EEF2K: variants seen among roughly 807,000 people sequenced by gnomAD.
EEF2K encodes alternative protein EEF2K.
Under a neutral mutation model 93.8 loss-of-function variants are expected in EEF2K, and 70 were observed. The ratio of observed to expected loss-of-function variants is 0.75; its 90% CI spans 0.62 to 0.91. EEF2K has a LOEUF of 0.91. EEF2K is among the 40% of genes least tolerant of loss of function. EEF2K has a pLI of 0.00. For missense variants in EEF2K, 935 were observed against 972.9 expected (o/e 0.96, Z 0.52); for synonymous variants, 376 against 380.8 (o/e 0.99, Z 0.15).
At position 22,280,333 on chromosome 16, in the gene EEF2K, G is replaced by A. The variant is rs1222558124; in HGVS notation, c.2025G>A (p.Leu675=). Residue 675 remains leucine (L), a synonymous_variant, in exon 17 of 18, where the codon CTG becomes CTA. Transcript: ENST00000263026. The part of the protein sequence containing the change: ...YMMLAREAEM[L]FTGGYGLEKD... ...TGCTGGCCAGGGAGGCCGAGATGCT[G>A]TTCACAGGAGGCTACGGGCTGGAGA... 6.2e-7 allele frequency: 1 copy of A among 1,602,544 alleles called. No individual in the cohort carries two copies. Among genetic ancestry groups the A allele is most frequent in the East Asian group, 2.3e-5 (1 of 44,060 alleles).
chr16:22,241,466 G>A (rs1410234235), intron 2 of EEF2K, among the ~76,000 whole-genome samples: 1 of 151,298 alleles, frequency 6.6e-6, no homozygotes, highest in African/African-American at 2.4e-5. Context: ...CCAACATGGT[G>A]AAACCCCGTC....
chr16:22,243,858 G>A (rs2047251503), intron 2 of EEF2K, among the ~76,000 whole-genome samples: 1 of 149,772 alleles, frequency 6.7e-6, no homozygotes, highest in Non-Finnish European at 1.5e-5. Context: ...AGGAGGCAGA[G>A]GTTGCAGTGA....
At chr16:22,223,661 AC>A (rs1324746394) in intron 1 of EEF2K, among the ~76,000 whole-genome samples, 4 of 152,064 alleles carry the variant, frequency 2.6e-5, no homozygotes, top group Non-Finnish European at 5.9e-5. Flanking sequence ...TGACTGTAAA[AC>A]TGAGAGTGAA....
intron 1 of EEF2K, among the ~76,000 whole-genome samples, chr16:22,214,882 G>A (rs1329348497): frequency 6.6e-6 from 1 of 152,160 alleles, no homozygotes; most frequent in Non-Finnish European, 1.5e-5. Flanking sequence ...AGAAAGCAAC[G>A]AAAGCAAATA....
intron 1 of EEF2K, among the ~76,000 whole-genome samples, chr16:22,214,894 T>G (rs574173105): frequency 3.3e-5 from 5 of 152,176 alleles, no homozygotes; most frequent in African/African-American, 1.2e-4. Context: ...AAGCAAATAT[T>G]TACAGAAAAC....
chr16:22,236,427 A>G (rs2047168389), intron 2 of EEF2K, among the ~76,000 whole-genome samples: 1 of 149,600 alleles, frequency 6.7e-6, no homozygotes, highest in Admixed American at 6.7e-5. Context: ...GGCGCATGGC[A>G]CCATGCCTGG....
rs944410553 is a variant in EEF2K at position 22,267,981 on chromosome 16, C to T, written c.1764+1105C>T. Among the ~76,000 whole-genome samples the T allele has an allele frequency of 5.3e-5, 8 of 152,202 alleles. No homozygotes were observed. The South Asian group carries it at 8.3e-4, about 16-fold the overall frequency. ...CCATCCTCCCCATCACGTGGGCCAA[C>T]GTTGCGCATGGACAGGTGGCCTAGG... On this transcript the variant is annotated intron_variant, in intron 15 of 17. Coordinates refer to ENST00000263026, the MANE Select transcript of EEF2K (RefSeq NM_013302.5).
intron 6 of EEF2K, 81 bp downstream of exon 6, chr16:22,251,403 C>T (rs2047350765): frequency 6.8e-7 from 1 of 1,463,340 alleles, no homozygotes; most frequent in Non-Finnish European, 9.1e-7. Context: ...ATGGTGAATC[C>T]CTATTTCACC....
chr16:22,251,151 G>A lies in EEF2K; in HGVS notation c.447G>A (p.Thr149=). 6.2e-7 allele frequency: 1 copy of A among 1,613,384 alleles called. No homozygotes were observed. The highest frequency in any genetic ancestry group is 8.5e-7 in the Non-Finnish European group (1 of 1,179,610). Residue 149 remains threonine, a splice_region_variant and synonymous_variant, in exon 6 of 18, where the codon ACG becomes ACA. Transcript: ENST00000263026. The stretch of plus-strand genomic sequence containing the variant: ...GGCCCCCTGTTGCCTCTTCCCACAG[G>A]AAGAAGCTCTCCAACTTCTTGCATG... ...GRGAMRECFR[T]KKLSNFLHAQ...
In EEF2K at chr16:22,217,895, C is replaced by T. The variant is rs60372767; in HGVS notation, c.-76-7759C>T. Among the ~76,000 whole-genome samples the T allele has an allele frequency of 4.7e-4, 71 of 152,248 alleles. No homozygotes were observed. The East Asian group carries it at 6.2e-3, about 13-fold the overall frequency. ...TACGCTGGGCTTGGTAGTTTGGTTT[C>T]GGGAACATCTGGATTCCAGGTCTCA... On this transcript the variant is annotated intron_variant, in intron 1 of 17. Coordinates refer to ENST00000263026, the MANE Select transcript of EEF2K (RefSeq NM_013302.5).
Position 22,287,626 on chromosome 16 carries a change from C to T in EEF2K, c.*3630C>T, listed in dbSNP as rs2047764466. 6.6e-6 allele frequency: 1 copy of T among 152,108 alleles called. No homozygotes were observed. Among genetic ancestry groups the T allele is most frequent in the Non-Finnish European group, 1.5e-5 (1 of 68,022 alleles). 9.4% of individuals were successfully genotyped at this position (152,108 alleles called of 1,614,324 possible). A position where few individuals can be genotyped will look rare whatever the true frequency, so the allele number is the denominator to read the frequency against. On this transcript the variant is annotated 3_prime_UTR_variant, in exon 18 of 18. Coordinates refer to ENST00000263026, the MANE Select transcript of EEF2K (RefSeq NM_013302.5). ...TAAAATTTAAACTGGAGTTTAATGGCCCTTTCAGTTTTGCTATAGGCAAGA... is the reference window on the plus strand; with the variant it reads ...TAAAATTTAAACTGGAGTTTAATGGTCCTTTCAGTTTTGCTATAGGCAAGA...
At chr16:22,221,872 C>G (rs75592532) in intron 1 of EEF2K, among the ~76,000 whole-genome samples, 1 of 152,048 alleles carries the variant, frequency 6.6e-6, no homozygotes, top group Non-Finnish European at 1.5e-5. Flanking sequence ...GAGTTCAAGG[C>G]CACTGTGGCC....
chr16:22,243,922 CAA>C (rs1011054825), intron 2 of EEF2K, among the ~76,000 whole-genome samples: 19 of 61,990 alleles, frequency 3.1e-4, no homozygotes, highest in Admixed American at 1.0e-3. Context: ...GACCCTGTCT[CAA>C]AAAAAAAAAA....
chr16:22,235,768 GACT>G (rs2047161934), intron 2 of EEF2K, among the ~76,000 whole-genome samples: 1 of 151,576 alleles, frequency 6.6e-6, no homozygotes, highest in African/African-American at 2.4e-5. Context: ...AAAGTGTTGA[GACT>G]ACAGGCGTGA....
intron 1 of EEF2K, among the ~76,000 whole-genome samples, chr16:22,208,414 T>C (rs948430903): frequency 2.6e-5 from 4 of 152,054 alleles, no homozygotes; most frequent in African/African-American, 9.7e-5. Context: ...TCCCAGCTAC[T>C]CGGGAGGCTG....
At chr16:22,273,417 C>T (rs1598205486) in intron 15 of EEF2K, among the ~76,000 whole-genome samples, 1 of 152,090 alleles carries the variant, frequency 6.6e-6, no homozygotes, top group South Asian at 2.1e-4. Flanking sequence ...GCTGTTTTCC[C>T]ACCCCATCCC....
chr16:22,229,013 C>G (rs1468452888), intron 2 of EEF2K, among the ~76,000 whole-genome samples: 1 of 152,034 alleles, frequency 6.6e-6, no homozygotes, highest in East Asian at 1.9e-4. Flanking sequence ...GTGGTGCATG[C>G]CTGTAGTCCC....
rs1363508075 is a variant in EEF2K, at chr16:22,288,533, G to A, written c.*4537G>A. 4 of 152,132 alleles carry A rather than the reference G, an allele frequency of 2.6e-5. No individual in the cohort carries two copies. Among genetic ancestry groups the A allele is most frequent in the African/African-American group, 9.7e-5 (4 of 41,426 alleles). The allele number at this position is 152,132 out of a possible 1,614,324, so 9.4% of individuals were successfully genotyped here. On this transcript the variant is annotated 3_prime_UTR_variant, in exon 18 of 18. Transcript: ENST00000263026. Reference sequence around the variant, plus strand: ...AATCAACAAGTTTACACAAGTATATGCAGCTTGTTTTGGGGGGAAAGGAGA... The same window carrying A: ...AATCAACAAGTTTACACAAGTATATACAGCTTGTTTTGGGGGGAAAGGAGA...
chr16:22,238,307 A>G (rs969079452), intron 2 of EEF2K, among the ~76,000 whole-genome samples: 3 of 152,066 alleles, frequency 2.0e-5, no homozygotes, highest in Non-Finnish European at 4.4e-5. Context: ...CCCGGGGGGA[A>G]TACAAAGATC....
Sources: allele counts gnomAD v4.1 joint callset (sites outside exome capture counted in the v4.1 genomes callset), GRCh38; gene constraint gnomAD v4.1.1; transcripts MANE v1.5; gene names NCBI Gene and HGNC (gene_info 2026-07-23, HGNC 2026-07-21).